TLCD4: variants seen among roughly 807,000 people sequenced by gnomAD.
TLCD4 encodes TLC domain-containing protein 4.
A neutral mutation model predicts 24.2 loss-of-function variants in TLCD4; 7 were observed. The ratio of observed to expected loss-of-function variants is 0.29; its 90% CI spans 0.16 to 0.54. TLCD4 has a LOEUF of 0.54. Among genes scored for constraint, TLCD4 ranks in the 20% least tolerant of loss-of-function variants. The pLI, the probability that TLCD4 is intolerant of heterozygous loss-of-function variation, is 0.95. For synonymous variants in TLCD4, 103 were observed against 106.4 expected, an observed-to-expected ratio of 0.97 and a Z score of 0.20; for missense variants, 259 against 313.9, an observed-to-expected ratio of 0.82 and a Z score of 1.32.
At chr1:95,144,424 C>T (rs75445227) in intron 2 of TLCD4, among the ~76,000 whole-genome samples, 2,539 of 152,170 alleles carry the variant, frequency 0.017, 81 homozygotes, top group African/African-American at 0.058. Context: ...TAGCTTATAC[C>T]ATACAGCATT....
At chr1:95,132,959 A>T (rs1182858664) in intron 1 of TLCD4, among the ~76,000 whole-genome samples, 1 of 152,120 alleles carries the variant, frequency 6.6e-6, no homozygotes. Context: ...CAGGAGAGTG[A>T]TGTGGATGGG....
intron 6 of TLCD4, among the ~76,000 whole-genome samples, chr1:95,186,375 A>C (rs954027123): frequency 1.3e-5 from 2 of 152,232 alleles, no homozygotes; most frequent in African/African-American, 4.8e-5. Flanking sequence ...ACTGGAGATC[A>C]GCAGAGTGGG....
Position 95,187,249 on chromosome 1 carries a change from C to T in TLCD4, c.474-4301C>T, listed in dbSNP as rs190529859. Reference sequence around the variant, plus strand: ...AGTGGGTGCAGTTGTTAACAATTAGCGAGCCAGTGTTAATATCTTATTGTT... The same window carrying T: ...AGTGGGTGCAGTTGTTAACAATTAGTGAGCCAGTGTTAATATCTTATTGTT... On this transcript the variant is annotated intron_variant, in intron 6 of 6. Coordinates refer to ENST00000370203, the MANE Select transcript of TLCD4 (RefSeq NM_152487.3). Among the ~76,000 whole-genome samples, 238 of 152,296 alleles carry T rather than the reference C, an allele frequency of 1.6e-3. 1 individual carries two copies. The highest frequency in any genetic ancestry group is 2.5e-3 in the South Asian group (12 of 4,824).
chr1:95,180,892 T>C (rs1678612856), intron 6 of TLCD4, among the ~76,000 whole-genome samples: 1 of 152,134 alleles, frequency 6.6e-6, no homozygotes, highest in African/African-American at 2.4e-5. Context: ...TTTGAGAAAA[T>C]AGTACCTAAA....
At chr1:95,161,294 G>A (rs1677794106) in intron 5 of TLCD4, among the ~76,000 whole-genome samples, 2 of 152,176 alleles carry the variant, frequency 1.3e-5, no homozygotes, top group African/African-American at 4.8e-5. Flanking sequence ...TTTGCGTAGA[G>A]GTGTTTATAG....
chr1:95,150,261 T>C lies in TLCD4; in HGVS notation c.299T>C (p.Ile100Thr), dbSNP rs772834281. 26 of 1,610,794 alleles carry C rather than the reference T, an allele frequency of 1.6e-5. No individual in the cohort carries two copies. The South Asian group carries it at 2.5e-4, about 16-fold the overall frequency. ...VNIAIASGYL[I>T]SDLSIIILYW... ...ATTGCTATTGCCTCAGGCTACCTCA[T>C]TTCTGGTATGTGAGATGTTGTTTTA... is the stretch of plus-strand genomic sequence containing the variant. The change falls in exon 4 of 7, where the codon ATT (isoleucine) becomes ACT (threonine). Residue 100 changes from isoleucine to threonine, a missense_variant. By Grantham distance (89) the Ile-to-Thr change is moderately conservative. Transcript: ENST00000370203.
At chr1:95,148,875 C>A in intron 3 of TLCD4, 84 bp downstream of exon 3, 2 of 1,525,792 alleles carry the variant, frequency 1.3e-6, no homozygotes, top group Non-Finnish European at 1.8e-6. Context: ...TACTTTAAAA[C>A]AGAAAACATA....
intron 6 of TLCD4, among the ~76,000 whole-genome samples, chr1:95,175,929 C>G (rs1678408635): frequency 6.6e-6 from 1 of 150,408 alleles, no homozygotes; most frequent in Admixed American, 6.7e-5. Flanking sequence ...GCATGTGCCA[C>G]CACACCTGGC....
At chr1:95,148,830 A>G (rs1344669350) in intron 3 of TLCD4, 39 bp downstream of exon 3, 1 of 1,600,974 alleles carries the variant, frequency 6.2e-7, no homozygotes, top group African/African-American at 1.3e-5. Context: ...AATTTCATTT[A>G]TGTTTTGATA....
chr1:95,134,700 C>G (rs1283600964), intron 1 of TLCD4, among the ~76,000 whole-genome samples: 1 of 152,102 alleles, frequency 6.6e-6, no homozygotes, highest in Non-Finnish European at 1.5e-5. Flanking sequence ...TAAGTGTTGC[C>G]TGATGAAAAC....
At chr1:95,153,918 A>G (rs1677559166) in intron 5 of TLCD4, among the ~76,000 whole-genome samples, 1 of 152,100 alleles carries the variant, frequency 6.6e-6, no homozygotes, top group Non-Finnish European at 1.5e-5. Context: ...ACTAGGACCA[A>G]TGGGGTGGTA....
chr1:95,145,109 C>T (rs1030567402), intron 2 of TLCD4, among the ~76,000 whole-genome samples: 1 of 152,144 alleles, frequency 6.6e-6, no homozygotes, highest in Non-Finnish European at 1.5e-5. Context: ...ATTTTATGTC[C>T]CCAAACATCA....
intron 1 of TLCD4, among the ~76,000 whole-genome samples, chr1:95,118,595 C>T (rs1008636347): frequency 2.0e-5 from 3 of 152,130 alleles, no homozygotes; most frequent in Non-Finnish European, 2.9e-5. Context: ...AAAATCTTTA[C>T]GCAGTCATAA....
intron 5 of TLCD4, among the ~76,000 whole-genome samples, chr1:95,159,248 C>G (rs1677714771): frequency 6.6e-6 from 1 of 152,224 alleles, no homozygotes; most frequent in Admixed American, 6.5e-5. Flanking sequence ...TTGCATTTCT[C>G]TGATGGCCAG....
At chr1:95,121,214 T>A (rs543690992) in intron 1 of TLCD4, 2 of 152,306 alleles carry the variant, frequency 1.3e-5, no homozygotes, top group South Asian at 4.1e-4. Context: ...GCAGTAAGAT[T>A]TTCGTCTGTA....
At chr1:95,182,227 A>C (rs1198353524) in intron 6 of TLCD4, among the ~76,000 whole-genome samples, 1 of 148,220 alleles carries the variant, frequency 6.7e-6, no homozygotes, top group Non-Finnish European at 1.5e-5. Flanking sequence ...TTTTTGAGAG[A>C]GTGCCTGCCA....
At chr1:95,123,141 A>G (rs182518171) in intron 1 of TLCD4, among the ~76,000 whole-genome samples, 11 of 152,344 alleles carry the variant, frequency 7.2e-5, no homozygotes, top group African/African-American at 2.6e-4. Flanking sequence ...GTCTTGCTCA[A>G]TTAACATGTT....
At chr1:95,142,858 C>T (rs1677244056) in intron 1 of TLCD4, among the ~76,000 whole-genome samples, 1 of 151,408 alleles carries the variant, frequency 6.6e-6, no homozygotes. Flanking sequence ...GATGAGGCAG[C>T]AGAATTGCTT....
chr1:95,113,200 G>T (rs946293435), upstream of TLCD4, among the ~76,000 whole-genome samples: 4 of 149,302 alleles, frequency 2.7e-5, no homozygotes, highest in Admixed American at 1.4e-4. Flanking sequence ...GCGCCACTAA[G>T]CCCAGCTACT....
Sources: allele counts gnomAD v4.1 joint callset (sites outside exome capture counted in the v4.1 genomes callset), GRCh38; gene constraint gnomAD v4.1.1; transcripts MANE v1.5; gene names NCBI Gene and HGNC (gene_info 2026-07-23, HGNC 2026-07-21).